Variants in ANO6 observed in about 807,000 individuals in gnomAD.
ANO6 encodes the protein anoctamin-6.
ANO6 carries 106 observed loss-of-function variants against 117.5 expected under a neutral mutation model. That is an observed-to-expected ratio of 0.90 (90% CI 0.77 to 1.06). The LOEUF is 1.06. Among genes scored for constraint, ANO6 ranks in the 50% least tolerant of loss-of-function variants. ANO6 has a pLI of 0.00. For missense variants in ANO6, 955 were observed against 1,121.1 expected, an observed-to-expected ratio of 0.85 and a Z score of 2.12; for synonymous variants, 367 against 385.1, an observed-to-expected ratio of 0.95 and a Z score of 0.55.
chr12:45,274,787 G>A (rs573582473), intron 1 of ANO6, among the ~76,000 whole-genome samples: 1 of 148,276 alleles, frequency 6.7e-6, no homozygotes, highest in African/African-American at 2.5e-5. Flanking sequence ...TCCTTGCCTG[G>A]CCACTATCCT....
chr12:45,372,808 G>A (rs561271362), intron 9 of ANO6, among the ~76,000 whole-genome samples: 1 of 152,320 alleles, frequency 6.6e-6, no homozygotes, highest in South Asian at 2.1e-4. Context: ...ATCAACTAAA[G>A]AGCAAAATCA....
At chr12:45,390,985 G>A (rs1462128883) in intron 12 of ANO6, among the ~76,000 whole-genome samples, 4 of 152,024 alleles carry the variant, frequency 2.6e-5, no homozygotes, top group Admixed American at 6.6e-5. Context: ...GCCAGGCAAG[G>A]TGTCACACAC....
chr12:45,221,125 G>A (rs1311331739), intron 1 of ANO6, among the ~76,000 whole-genome samples: 2 of 152,182 alleles, frequency 1.3e-5, no homozygotes, highest in African/African-American at 2.4e-5. Context: ...CAGGTGGATA[G>A]TATCCGAATT....
intron 2 of ANO6, among the ~76,000 whole-genome samples, chr12:45,326,218 G>A (rs955230079): frequency 2.6e-5 from 4 of 152,128 alleles, no homozygotes; most frequent in African/African-American, 9.7e-5. Context: ...ACATTCCCTT[G>A]CATACAAGGC....
chr12:45,406,677 G>A (rs1382434805), intron 15 of ANO6, among the ~76,000 whole-genome samples: 1 of 152,132 alleles, frequency 6.6e-6, no homozygotes, highest in Non-Finnish European at 1.5e-5. Flanking sequence ...GGCAATCAGA[G>A]TCCTAAATAT....
chr12:45,415,803 C>T (rs1228688235), intron 16 of ANO6, among the ~76,000 whole-genome samples: 2 of 152,218 alleles, frequency 1.3e-5, no homozygotes, highest in Non-Finnish European at 2.9e-5. Context: ...ATCCCTGCCC[C>T]TTGTCTGAGC....
intron 1 of ANO6, among the ~76,000 whole-genome samples, chr12:45,297,820 A>G (rs1939344271): frequency 6.6e-6 from 1 of 152,190 alleles, no homozygotes; most frequent in Non-Finnish European, 1.5e-5. Flanking sequence ...GAAATCATCA[A>G]TTATTCAATG....
At chr12:45,384,717 T>A (rs915197157) in intron 10 of ANO6, among the ~76,000 whole-genome samples, 6 of 152,104 alleles carry the variant, frequency 3.9e-5, no homozygotes, top group Non-Finnish European at 8.8e-5. Flanking sequence ...CAAAGAAAGA[T>A]CACTTATCAC....
At chr12:45,267,592 A>G (rs1195236119) in intron 1 of ANO6, among the ~76,000 whole-genome samples, 1 of 151,968 alleles carries the variant, frequency 6.6e-6, no homozygotes, top group African/African-American at 2.4e-5. Context: ...GGAGTTTGAG[A>G]CCAGCCTGGC....
At chr12:45,401,074 G>A (rs1460975775) in intron 12 of ANO6, among the ~76,000 whole-genome samples, 2 of 152,220 alleles carry the variant, frequency 1.3e-5, no homozygotes, top group African/African-American at 4.8e-5. Flanking sequence ...CGTGAATCTT[G>A]TGGAAATACA....
intron 1 of ANO6, among the ~76,000 whole-genome samples, chr12:45,217,131 A>C (rs1164881490): frequency 6.6e-6 from 1 of 152,218 alleles, no homozygotes; most frequent in Non-Finnish European, 1.5e-5. Flanking sequence ...TTTAAGAGCA[A>C]AAAAAGAAAA....
chr12:45,304,442 A>G (rs1939598348), intron 2 of ANO6, among the ~76,000 whole-genome samples: 1 of 152,226 alleles, frequency 6.6e-6, no homozygotes, highest in Non-Finnish European at 1.5e-5. Flanking sequence ...AGGCAAAGCA[A>G]AATTGAAGAA....
chr12:45,228,144 G>A (rs1418578024), intron 1 of ANO6: 3 of 84,282 alleles, frequency 3.6e-5, no homozygotes, highest in Non-Finnish European at 4.5e-5. Flanking sequence ...TTTTTTTTTT[G>A]ACAGGGTCTC....
intron 2 of ANO6, among the ~76,000 whole-genome samples, chr12:45,314,109 C>T (rs563586243): frequency 6.6e-6 from 1 of 152,012 alleles, no homozygotes; most frequent in African/African-American, 2.4e-5. Flanking sequence ...TTAATGAGTT[C>T]TGTTAGGCAC....
chr12:45,416,720 C>T lies in ANO6; in HGVS notation c.2033C>T (p.Thr678Ile), dbSNP rs754023094. 1.1e-5 allele frequency: 18 copies of T among 1,614,112 alleles called. No individual in the cohort carries two copies. Among genetic ancestry groups the T allele is most frequent in the Non-Finnish European group, 8.5e-7 (1 of 1,180,006 alleles). The change falls in exon 17 of 20, where the codon ACC becomes ATC. Residue 678 changes from threonine to isoleucine, a missense_variant. Transcript: ENST00000320560. Reference sequence around the variant, plus strand: ...ACAGTTATTCAGTTTGGGTTCGTCACCTTATTTGTGGCCTCTTTTCCACTG... The same window carrying T: ...ACAGTTATTCAGTTTGGGTTCGTCATCTTATTTGTGGCCTCTTTTCCACTG... ...LEMIIQFGFV[T>I]LFVASFPLAP...
chr12:45,318,897 C>A (rs1226295038), intron 2 of ANO6, among the ~76,000 whole-genome samples: 1 of 152,102 alleles, frequency 6.6e-6, no homozygotes, highest in Non-Finnish European at 1.5e-5. Flanking sequence ...AATGGGAGTT[C>A]ACTCATGATT....
rs376652534 is a variant in ANO6, at chr12:45,274,219, G to A, written c.71-27795G>A. On this transcript the variant is annotated intron_variant, in intron 1 of 19. Transcript: ENST00000320560. ...CCCTGAATGCCATCTGTATGTGGAT[G>A]ACTTCCACATACTTATGTCCACTCC... Among the ~76,000 whole-genome samples the A allele has an allele frequency of 9.7e-4, 148 of 152,232 alleles. 2 individuals are homozygous for A. Among genetic ancestry groups the A allele is most frequent in the South Asian group, 9.5e-3 (46 of 4,826 alleles).
At chr12:45,264,278 T>G (rs1233580114) in intron 1 of ANO6, among the ~76,000 whole-genome samples, 1 of 152,248 alleles carries the variant, frequency 6.6e-6, no homozygotes, top group Non-Finnish European at 1.5e-5. Flanking sequence ...GTTGAATACA[T>G]GTATGTCTTG....
At chr12:45,427,463 T>C (rs908547643) in intron 19 of ANO6, among the ~76,000 whole-genome samples, 1 of 152,200 alleles carries the variant, frequency 6.6e-6, no homozygotes, top group Non-Finnish European at 1.5e-5. Context: ...TCTTCTGATA[T>C]CTGTAGGGCT....
Sources: allele counts gnomAD v4.1 joint callset (sites outside exome capture counted in the v4.1 genomes callset), GRCh38; gene constraint gnomAD v4.1.1; transcripts MANE v1.5; gene names NCBI Gene and HGNC (gene_info 2026-07-23, HGNC 2026-07-21).